The following ZFHX3 variants were observed in gnomAD, a reference collection of about 807,000 sequenced individuals.
The protein encoded by ZFHX3 is zinc finger homeobox 3.
ZFHX3 carries 42 observed loss-of-function variants against 279.1 expected under a neutral mutation model. That is an observed-to-expected ratio of 0.15 (90% CI 0.12 to 0.19). The LOEUF (loss-of-function observed/expected upper bound fraction) is 0.19. ZFHX3 is among the 10% of genes least tolerant of loss of function. The pLI is 1.00. For missense variants in ZFHX3, 4,981 were observed against 4,754.0 expected (o/e 1.05, Z -1.40); for synonymous variants, 2,293 against 1,957.8 (o/e 1.17, Z -4.52).
chr16:73,766,643 T>G lies in ZFHX3; in HGVS notation c.-1607-86403A>C, dbSNP rs191218036. ...GTGGAGAAAGAATGATGCGGGATGT[T>G]GGACTAAGCGAGAAATGCATAAGAA... On this transcript the variant is annotated intron_variant, in intron 1 of 17. Coordinates refer to the ZFHX3 transcript ENST00000641206. Among the ~76,000 whole-genome samples, 8 of 152,244 alleles carry G rather than the reference T, an allele frequency of 5.3e-5. No homozygotes were observed. The East Asian group carries it at 1.5e-3, about 29-fold the overall frequency.
At chr16:73,123,443 G>A (rs1966524394) in intron 7 of ZFHX3, 1 of 147,350 alleles carries the variant, frequency 6.8e-6, no homozygotes, top group Non-Finnish European at 1.5e-5. Flanking sequence ...CACATAGCCT[G>A]GTCACCCTTG....
chr16:73,451,201 G>T (rs528607273), intron 3 of ZFHX3, among the ~76,000 whole-genome samples: 49 of 152,308 alleles, frequency 3.2e-4, no homozygotes, highest in Middle Eastern at 3.4e-3. Context: ...CTGAACTGGG[G>T]TGTTCCCAGA....
intron 4 of ZFHX3, among the ~76,000 whole-genome samples, chr16:72,848,876 G>C (rs2037542750): frequency 6.6e-6 from 1 of 152,084 alleles, no homozygotes; most frequent in African/African-American, 2.4e-5. Context: ...GCCACGGCTG[G>C]AGCTGGCGAG....
chr16:73,372,551 G>A (rs928456636), intron 3 of ZFHX3, among the ~76,000 whole-genome samples: 1 of 152,146 alleles, frequency 6.6e-6, no homozygotes, highest in African/African-American at 2.4e-5. Flanking sequence ...TAATTCAAAG[G>A]TTTTATTCCT....
Position 72,786,934 on chromosome 16 carries a change from C to CTT in ZFHX3, c.*228_*229dup, listed in dbSNP as rs373880184. 1.6e-4 allele frequency: 34 copies of CTT among 207,664 alleles called. No individual in the cohort carries two copies. Among genetic ancestry groups the CTT allele is most frequent in the South Asian group, 4.1e-4 (2 of 4,872 alleles). The allele number at this position is 207,664 out of a possible 1,614,324, so 12.9% of individuals were successfully genotyped here. A position where few individuals can be genotyped will look rare whatever the true frequency, so the allele number is the denominator to read the frequency against. On this transcript the variant is annotated 3_prime_UTR_variant, in exon 10 of 10. Transcript: ENST00000268489. Reference sequence around the variant, plus strand: ...AGGACACAATGTAACAGGGTTAGGGCTTTTTTTTTTTTTTTAATATTAAAA... The same window carrying CTT: ...AGGACACAATGTAACAGGGTTAGGGCTTTTTTTTTTTTTTTTTAATATTAAAA...
intron 1 of ZFHX3, among the ~76,000 whole-genome samples, chr16:72,999,517 A>G (rs747848079): frequency 6.6e-6 from 1 of 152,198 alleles, no homozygotes; most frequent in Non-Finnish European, 1.5e-5. Context: ...GGGAATCACT[A>G]TAAGCAGAAG....
chr16:73,538,229 A>G (rs1258830160), intron 2 of ZFHX3, among the ~76,000 whole-genome samples: 1 of 152,228 alleles, frequency 6.6e-6, no homozygotes, highest in Non-Finnish European at 1.5e-5. Context: ...CTAAAATAAA[A>G]AAATGGAAAA....
Position 73,373,383 on chromosome 16 carries a change from G to C in ZFHX3, c.-1290-55047C>G, listed in dbSNP as rs184804427. Among the ~76,000 whole-genome samples, 252 of 152,326 alleles carry C rather than the reference G, an allele frequency of 1.7e-3. 1 individual carries two copies. Among genetic ancestry groups the C allele is most frequent in the Non-Finnish European group, 1.9e-3 (127 of 68,028 alleles). ...TTGACCTAGGAGCCACGAGCATGCAGTGGCAAATGGTCCTCAGGAGATGGA... is the reference window on the plus strand; with the variant it reads ...TTGACCTAGGAGCCACGAGCATGCACTGGCAAATGGTCCTCAGGAGATGGA... On this transcript the variant is annotated intron_variant, in intron 3 of 17. Transcript: ENST00000641206.
At chr16:72,980,824 T>C (rs993795604) in intron 1 of ZFHX3, among the ~76,000 whole-genome samples, 1 of 152,186 alleles carries the variant, frequency 6.6e-6, no homozygotes, top group African/African-American at 2.4e-5. Context: ...CATGATATCG[T>C]TGGCTTCAAA....
At chr16:73,144,711 G>C (rs1380503423) in intron 5 of ZFHX3, among the ~76,000 whole-genome samples, 4 of 152,042 alleles carry the variant, frequency 2.6e-5, no homozygotes, top group Admixed American at 6.5e-5. Context: ...TCAACCCAAG[G>C]TGTTTTCCTC....
At chr16:73,689,290 G>A (rs1471765954) in intron 1 of ZFHX3, among the ~76,000 whole-genome samples, 1 of 152,164 alleles carries the variant, frequency 6.6e-6, no homozygotes. Context: ...GGACAGGGGG[G>A]TTTTAGGAAG....
intron 1 of ZFHX3, among the ~76,000 whole-genome samples, chr16:73,713,201 C>G (rs550464388): frequency 4.6e-5 from 7 of 152,320 alleles, no homozygotes; most frequent in Non-Finnish European, 8.8e-5. Context: ...TGATTTCCTA[C>G]TTTTAACTCA....
Position 73,432,523 on chromosome 16 carries a change from C to T in ZFHX3, c.-1291+23480G>A, listed in dbSNP as rs148573771. Among the ~76,000 whole-genome samples the T allele has an allele frequency of 3.7e-3, 562 of 152,296 alleles. 5 individuals carry two copies. The highest frequency in any genetic ancestry group is 0.013 in the African/African-American group (534 of 41,552). ...ATCTAGTTGATCTGTTCTTATCCCT[C>T]CAAATCCCAGCACTTCAAGATTCAT... On this transcript the variant is annotated intron_variant, in intron 3 of 17. Coordinates refer to the ZFHX3 transcript ENST00000641206.
intron 3 of ZFHX3, among the ~76,000 whole-genome samples, chr16:72,910,765 C>A (rs1597370547): frequency 1.3e-5 from 2 of 152,260 alleles, no homozygotes; most frequent in South Asian, 4.1e-4. Flanking sequence ...ATTTCCCATA[C>A]AATCAAGATT....
intron 7 of ZFHX3, among the ~76,000 whole-genome samples, chr16:73,121,451 T>C (rs981603351): frequency 2.6e-5 from 4 of 152,190 alleles, no homozygotes; most frequent in African/African-American, 9.7e-5. Context: ...ACACATGGCT[T>C]GTACTGTGTT....
chr16:73,647,549 T>C (rs1241007169), intron 2 of ZFHX3, among the ~76,000 whole-genome samples: 1 of 152,198 alleles, frequency 6.6e-6, no homozygotes, highest in Non-Finnish European at 1.5e-5. Context: ...GGCCTCCCAG[T>C]CATGCTTCCT....
intron 4 of ZFHX3, among the ~76,000 whole-genome samples, chr16:73,284,439 T>C (rs1379207637): frequency 1.3e-5 from 2 of 151,874 alleles, no homozygotes; most frequent in Non-Finnish European, 2.9e-5. Context: ...AAAATATTAA[T>C]ATATGTGAAA....
chr16:73,493,428 C>G (rs2019086758), intron 2 of ZFHX3, among the ~76,000 whole-genome samples: 1 of 152,174 alleles, frequency 6.6e-6, no homozygotes, highest in South Asian at 2.1e-4. Context: ...TGAAAGAAAG[C>G]TTCATGTCAC....
At chr16:73,848,621 C>T (rs114024744) in intron 1 of ZFHX3, among the ~76,000 whole-genome samples, 71 of 152,276 alleles carry the variant, frequency 4.7e-4, no homozygotes, top group African/African-American at 1.7e-3. Context: ...ACATCATATA[C>T]ATTAGGAATT....
Sources: allele counts gnomAD v4.1 joint callset (sites outside exome capture counted in the v4.1 genomes callset), GRCh38; gene constraint gnomAD v4.1.1; transcripts MANE v1.5; gene names NCBI Gene and HGNC (gene_info 2026-07-23, HGNC 2026-07-21).